TBC1D22A: variants seen among roughly 807,000 people sequenced by gnomAD.
TBC1D22A encodes the protein TBC1 domain family member 22A.
In TBC1D22A, 38 loss-of-function variants were observed where a neutral mutation model predicts 60.2. The ratio of observed to expected loss-of-function variants is 0.63; its 90% CI spans 0.49 to 0.83. TBC1D22A has a LOEUF of 0.83. TBC1D22A is among the 40% of genes least tolerant of loss of function. The pLI, the probability that TBC1D22A is intolerant of heterozygous loss-of-function variation, is 0.00. For synonymous variants in TBC1D22A, 302 were observed against 281.7 expected, an observed-to-expected ratio of 1.07 and a Z score of -0.72; for missense variants, 628 against 701.0, an observed-to-expected ratio of 0.90 and a Z score of 1.18.
chr22:46,839,031 G>A (rs577189535), intron 4 of TBC1D22A, among the ~76,000 whole-genome samples: 84 of 152,224 alleles, frequency 5.5e-4, no homozygotes, highest in African/African-American at 2.0e-3. Context: ...AGAAATAAAA[G>A]GCATTCAAAT....
intron 1 of TBC1D22A, among the ~76,000 whole-genome samples, chr22:46,788,091 C>T (rs1243886001): frequency 1.8e-4 from 28 of 152,042 alleles, no homozygotes; most frequent in Non-Finnish European, 7.4e-5. Flanking sequence ...CGTCCGCCAC[C>T]ACGACCGGGT....
In TBC1D22A at chr22:46,864,040, C is replaced by T. The variant is rs931993078; in HGVS notation, c.638-14613C>T. ...CTCCTAGGGGTTCAGCACAGCACAT[C>T]GCCTAGTGGAGCATTTGTCCAGCAC... On this transcript the variant is annotated intron_variant, in intron 4 of 12. Transcript: ENST00000337137. Among the ~76,000 whole-genome samples the T allele has an allele frequency of 3.9e-5, 6 of 152,334 alleles. No homozygotes were observed. The South Asian group carries it at 6.2e-4, about 16-fold the overall frequency.
chr22:46,909,978 C>T (rs940771544), intron 7 of TBC1D22A, among the ~76,000 whole-genome samples: 3 of 152,232 alleles, frequency 2.0e-5, no homozygotes, highest in Non-Finnish European at 2.9e-5. Context: ...CCGCTACTTG[C>T]AGCTCGGCTA....
chr22:46,794,493 G>T (rs765260528), intron 3 of TBC1D22A, among the ~76,000 whole-genome samples: 2 of 152,200 alleles, frequency 1.3e-5, no homozygotes, highest in African/African-American at 4.8e-5. Context: ...AGGCCATCAC[G>T]TCTGTGATGG....
At chr22:46,891,831 T>A (rs539705524) in intron 6 of TBC1D22A, among the ~76,000 whole-genome samples, 4 of 152,230 alleles carry the variant, frequency 2.6e-5, no homozygotes, top group African/African-American at 7.2e-5. Flanking sequence ...TCGGTCTAGG[T>A]AGGGATGTGA....
intron 12 of TBC1D22A, among the ~76,000 whole-genome samples, chr22:47,139,640 T>C (rs191709806): frequency 1.1e-4 from 17 of 152,316 alleles, no homozygotes; most frequent in Admixed American, 7.2e-4. Flanking sequence ...TGGGTGAGTC[T>C]AGGACACTCA....
At chr22:46,773,501 G>T (rs952882952) in intron 1 of TBC1D22A, among the ~76,000 whole-genome samples, 9 of 152,016 alleles carry the variant, frequency 5.9e-5, no homozygotes, top group African/African-American at 2.2e-4. Context: ...GTCTTGCCCT[G>T]TTACCCAGGC....
At chr22:47,163,443 A>G (rs2147212527) in intron 12 of TBC1D22A, among the ~76,000 whole-genome samples, 1 of 152,382 alleles carries the variant, frequency 6.6e-6, no homozygotes, top group South Asian at 2.1e-4. Flanking sequence ...CGAGACAGGC[A>G]GGGCCTCCTG....
intron 4 of TBC1D22A, among the ~76,000 whole-genome samples, chr22:46,867,257 C>G (rs2067099364): frequency 6.6e-6 from 1 of 152,212 alleles, no homozygotes; most frequent in South Asian, 2.1e-4. Context: ...ACGAAGGATG[C>G]TGTATATGCT....
intron 12 of TBC1D22A, among the ~76,000 whole-genome samples, chr22:47,112,884 G>T (rs1261880962): frequency 6.6e-6 from 1 of 152,240 alleles, no homozygotes; most frequent in African/African-American, 2.4e-5. Flanking sequence ...ATGCAAGGCT[G>T]CTGGGGCTGG....
chr22:47,050,247 C>T (rs573468936), intron 11 of TBC1D22A, among the ~76,000 whole-genome samples: 97 of 151,864 alleles, frequency 6.4e-4, no homozygotes, highest in African/African-American at 2.0e-3. Flanking sequence ...TCAAGTGATC[C>T]GCCCGCCTCG....
rs2067853492 is a variant in TBC1D22A, at chr22:46,881,580, G to A, written c.708+2857G>A. 1.3e-5 allele frequency among the ~76,000 whole-genome samples: 2 copies of A among 152,216 alleles called. 1 individual carries two copies. Among genetic ancestry groups the A allele is most frequent in the South Asian group, 4.1e-4 (2 of 4,832 alleles). On this transcript the variant is annotated intron_variant, in intron 5 of 12. Coordinates refer to ENST00000337137, the MANE Select transcript of TBC1D22A (RefSeq NM_014346.5). ...GTGTGGCAGGCAACTCAGGGAACAG[G>A]CTGTTCTTGCCCAGTGTCTGGCTCG...
intron 4 of TBC1D22A, among the ~76,000 whole-genome samples, chr22:46,813,048 G>A (rs139577): frequency 0.29 from 43,883 of 152,050 alleles, 6,479 homozygotes; most frequent in South Asian, 0.39. Flanking sequence ...AGGCGGCTCC[G>A]CAGGTCTTTC....
At chr22:47,111,760 G>A (rs1871838330) in intron 12 of TBC1D22A, among the ~76,000 whole-genome samples, 157 bp downstream of exon 12, 1 of 152,192 alleles carries the variant, frequency 6.6e-6, no homozygotes, top group South Asian at 2.1e-4. Context: ...TCGTCCAGCT[G>A]AGGAGATGAG....
At chr22:46,930,200 C>G (rs539155445) in intron 8 of TBC1D22A, among the ~76,000 whole-genome samples, 2 of 152,158 alleles carry the variant, frequency 1.3e-5, no homozygotes, top group Admixed American at 6.5e-5. Context: ...CAGACCACGC[C>G]GGCCTGCAGT....
intron 4 of TBC1D22A, among the ~76,000 whole-genome samples, chr22:46,857,761 C>A (rs757398312): frequency 1.3e-5 from 2 of 152,120 alleles, no homozygotes; most frequent in African/African-American, 4.8e-5. Flanking sequence ...AACTGGCTCC[C>A]GTTCCCTCGC....
Position 46,813,441 on chromosome 22 carries a change from A to G in TBC1D22A, c.637+15821A>G, listed in dbSNP as rs2085465972. Among the ~76,000 whole-genome samples the G allele has an allele frequency of 9.2e-5, 14 of 152,326 alleles. 1 individual carries two copies. Among genetic ancestry groups the G allele is most frequent in the Admixed American group, 9.2e-4 (14 of 15,300 alleles). ...TGGGTGACTTCTCTGGAGAGGGAGA[A>G]ATCTTATTTTTACTTTAACTTTTTA... On this transcript the variant is annotated intron_variant, in intron 4 of 12. Transcript: ENST00000337137.
In TBC1D22A at chr22:47,050,846, C is replaced by G. The variant is rs376389418; in HGVS notation, c.1329+13648C>G. ...AGGAGCCTGTGGTCTGTCTGCCATG[C>G]CCTGGACAGGTGGACTGGGTTCCCC... On this transcript the variant is annotated intron_variant, in intron 11 of 12. Transcript: ENST00000337137. Among the ~76,000 whole-genome samples the G allele has an allele frequency of 4.6e-5, 7 of 152,258 alleles. No individual in the cohort carries two copies. In the South Asian group the frequency reaches 6.2e-4, roughly 14 times the overall value.
At chr22:46,855,405 C>T (rs1451106596) in intron 4 of TBC1D22A, among the ~76,000 whole-genome samples, 6 of 152,182 alleles carry the variant, frequency 3.9e-5, no homozygotes, top group African/African-American at 1.4e-4. Context: ...CTCATCTGTG[C>T]AGTGATACCA....
Sources: gnomAD v4.1 joint callset for allele counts (sites outside exome capture counted in the v4.1 genomes callset) on GRCh38, gnomAD v4.1.1 for gene constraint, MANE v1.5 for transcripts, NCBI Gene and HGNC (gene_info 2026-07-23, HGNC 2026-07-21) for gene names.